Variants in NR3C2 observed in about 807,000 individuals in gnomAD.
NR3C2 encodes mineralocorticoid receptor.
A neutral mutation model predicts 86.4 loss-of-function variants in NR3C2; 15 were observed. The observed-to-expected ratio is 0.17, with a 90% CI of 0.12 to 0.27. The LOEUF (loss-of-function observed/expected upper bound fraction) is 0.27, where lower values mean the gene tolerates loss of function less well. Among genes scored for constraint, NR3C2 ranks in the 10% least tolerant of loss-of-function variants. The probability of loss-of-function intolerance (pLI) is 1.00; values close to 1 mark genes in which losing one functional copy is unlikely to be tolerated. For synonymous variants in NR3C2, 458 were observed against 450.5 expected, an observed-to-expected ratio of 1.02 and a Z score of -0.21; for missense variants, 960 against 1,195.6, an observed-to-expected ratio of 0.80 and a Z score of 2.91.
intron 2 of NR3C2, among the ~76,000 whole-genome samples, chr4:148,352,214 C>T (rs1454132803): frequency 6.6e-6 from 1 of 151,948 alleles, no homozygotes; most frequent in African/African-American, 2.4e-5. Flanking sequence ...TTCTGGATTC[C>T]TCTCTCTGTT....
chr4:148,182,972 G>A (rs971724642), intron 4 of NR3C2, among the ~76,000 whole-genome samples: 2 of 151,922 alleles, frequency 1.3e-5, no homozygotes, highest in African/African-American at 2.4e-5. Flanking sequence ...CTCCCCCTCT[G>A]CCCCCAACTC....
At chr4:148,245,470 T>G (rs75774442) in intron 3 of NR3C2, among the ~76,000 whole-genome samples, 3,612 of 152,276 alleles carry the variant, frequency 0.024, 171 homozygotes, top group African/African-American at 0.08. Context: ...TTTCTCTAAT[T>G]TCCTCATCAA....
At chr4:148,382,405 G>C (rs559331278) in intron 2 of NR3C2, among the ~76,000 whole-genome samples, 1 of 152,058 alleles carries the variant, frequency 6.6e-6, no homozygotes, top group African/African-American at 2.4e-5. Context: ...TGTTCCACAT[G>C]CACATTAATT....
chr4:148,318,249 C>T (rs1255827389), intron 2 of NR3C2, among the ~76,000 whole-genome samples: 2 of 150,998 alleles, frequency 1.3e-5, no homozygotes, highest in Non-Finnish European at 3.0e-5. Flanking sequence ...TGTATATGTG[C>T]CACATTTTCT....
intron 6 of NR3C2, among the ~76,000 whole-genome samples, chr4:148,151,156 C>T (rs1734084937): frequency 6.6e-6 from 1 of 152,070 alleles, no homozygotes; most frequent in Non-Finnish European, 1.5e-5. Flanking sequence ...ATGTTATACA[C>T]ATTTTATGAC....
intron 4 of NR3C2, among the ~76,000 whole-genome samples, chr4:148,160,431 C>A (rs907977441): frequency 6.6e-6 from 1 of 152,114 alleles, no homozygotes; most frequent in Non-Finnish European, 1.5e-5. Flanking sequence ...CTGCTACATA[C>A]CCTTTTGACA....
intron 3 of NR3C2, among the ~76,000 whole-genome samples, chr4:148,199,650 A>G (rs1026939804): frequency 1.3e-5 from 2 of 152,184 alleles, no homozygotes; most frequent in Admixed American, 1.3e-4. Flanking sequence ...CAGGTTGAGG[A>G]GCAAGGCCCT....
rs545774219 is a variant in NR3C2 at position 148,266,009 on chromosome 4, C to T, written c.1758-5892G>A. ...GAAGTATTACAAAGAAAATGACAGACACTGAGATTGGACGGGGAGGGTGGG... is the reference window on the plus strand; with the variant it reads ...GAAGTATTACAAAGAAAATGACAGATACTGAGATTGGACGGGGAGGGTGGG... On this transcript the variant is annotated intron_variant, in intron 2 of 8. Coordinates refer to ENST00000358102, the MANE Select transcript of NR3C2 (RefSeq NM_000901.5). 4.6e-5 allele frequency among the ~76,000 whole-genome samples: 7 copies of T among 150,792 alleles called. No homozygotes were observed. In the South Asian group the frequency reaches 6.3e-4, roughly 14 times the overall value.
At position 148,411,986 on chromosome 4, in the gene NR3C2, G is replaced by A. The variant is rs912807945; in HGVS notation, c.1757+23118C>T. Among the ~76,000 whole-genome samples the A allele has an allele frequency of 5.3e-5, 8 of 152,234 alleles. No homozygotes were observed. In the South Asian group the frequency reaches 1.0e-3, roughly 20 times the overall value. ...CATCAATTTAAAAAAGAGGGTTTCC[G>A]GGTTGGTCAGAGCTGGGCTATAACA... On this transcript the variant is annotated intron_variant, in intron 2 of 8. Transcript: ENST00000358102.
chr4:148,180,038 G>C (rs1208476228), intron 4 of NR3C2, among the ~76,000 whole-genome samples: 1 of 151,716 alleles, frequency 6.6e-6, no homozygotes, highest in Non-Finnish European at 1.5e-5. Context: ...CAATACACTT[G>C]GGCTTTCTAA....
chr4:148,234,097 G>T (rs908672460), intron 3 of NR3C2, among the ~76,000 whole-genome samples: 7 of 152,126 alleles, frequency 4.6e-5, no homozygotes, highest in Non-Finnish European at 7.4e-5. Context: ...TAATGATGGG[G>T]TGACCATCAT....
rs1409349765 is a variant in NR3C2, at chr4:148,123,172, C to T, written c.2511-2884G>A. Among the ~76,000 whole-genome samples, 5 of 152,274 alleles carry T rather than the reference C, an allele frequency of 3.3e-5. No homozygotes were observed. In the South Asian group the frequency reaches 8.3e-4, roughly 25 times the overall value. ...TGCGGTTGAGATAAGCACTGAGATA[C>T]GCCCTGGTCTCCTGCAGTACCCTCA... On this transcript the variant is annotated intron_variant, in intron 6 of 8. Transcript: ENST00000358102.
At chr4:148,258,382 G>A (rs1053984846) in intron 3 of NR3C2, among the ~76,000 whole-genome samples, 1 of 152,178 alleles carries the variant, frequency 6.6e-6, no homozygotes, top group Non-Finnish European at 1.5e-5. Flanking sequence ...AAAGCAAACT[G>A]ACTTCAGTAT....
At chr4:148,169,224 G>A (rs1219940081) in intron 4 of NR3C2, among the ~76,000 whole-genome samples, 1 of 152,078 alleles carries the variant, frequency 6.6e-6, no homozygotes, top group Admixed American at 6.5e-5. Context: ...ATTAACATCA[G>A]TATGGTTAAG....
intron 2 of NR3C2, among the ~76,000 whole-genome samples, chr4:148,285,732 A>C (rs1741490084): frequency 1.3e-5 from 2 of 152,078 alleles, no homozygotes; most frequent in Non-Finnish European, 1.5e-5. Flanking sequence ...AACAAACAAA[A>C]AAAACTTCCT....
chr4:148,443,222 CAAAAAA>C (rs59506438), upstream of NR3C2, among the ~76,000 whole-genome samples: 534 of 40,888 alleles, frequency 0.013, 2 homozygotes, highest in Admixed American at 0.025. Flanking sequence ...CCCCTAACAC[CAAAAAA>C]AAAAAAAAAA....
chr4:148,150,083 T>G (rs1201336165), intron 6 of NR3C2, among the ~76,000 whole-genome samples: 1 of 152,184 alleles, frequency 6.6e-6, no homozygotes, highest in African/African-American at 2.4e-5. Context: ...CAAAGATATA[T>G]TTATATACCC....
intron 2 of NR3C2, among the ~76,000 whole-genome samples, chr4:148,359,375 G>A (rs566864937): frequency 6.6e-6 from 1 of 152,270 alleles, no homozygotes; most frequent in South Asian, 2.1e-4. Context: ...CCTGATAGAA[G>A]TTAGGATTTT....
intron 2 of NR3C2, among the ~76,000 whole-genome samples, chr4:148,325,779 G>A (rs1294660246): frequency 6.6e-6 from 1 of 152,136 alleles, no homozygotes; most frequent in Non-Finnish European, 1.5e-5. Context: ...CCTTACCTAT[G>A]TAATCAAATG....
Sources: allele counts gnomAD v4.1 joint callset (sites outside exome capture counted in the v4.1 genomes callset), GRCh38; gene constraint gnomAD v4.1.1; transcripts MANE v1.5; gene names NCBI Gene and HGNC (gene_info 2026-07-23, HGNC 2026-07-21).